FAM13A: variants seen among roughly 807,000 people sequenced by gnomAD.
FAM13A encodes the protein protein FAM13A.
A neutral mutation model predicts 129.6 loss-of-function variants in FAM13A; 76 were observed. The observed-to-expected ratio is 0.59, with a 90% CI of 0.49 to 0.71. The LOEUF (loss-of-function observed/expected upper bound fraction) is 0.71, where lower values mean the gene tolerates loss of function less well. FAM13A is among the 30% of genes least tolerant of loss of function. FAM13A has a pLI of 0.00. For synonymous variants in FAM13A, 443 were observed against 449.9 expected (o/e 0.98, Z 0.20); for missense variants, 1,108 against 1,249.3 (o/e 0.89, Z 1.70).
At chr4:88,817,977 A>G (rs1731108359) in intron 7 of FAM13A, among the ~76,000 whole-genome samples, 1 of 152,006 alleles carries the variant, frequency 6.6e-6, no homozygotes, top group Non-Finnish European at 1.5e-5. Context: ...CCACAAAACC[A>G]AAACTATCAC....
At chr4:88,842,021 G>A (rs1002875661) in intron 7 of FAM13A, among the ~76,000 whole-genome samples, 1 of 152,172 alleles carries the variant, frequency 6.6e-6, no homozygotes, top group African/African-American at 2.4e-5. Flanking sequence ...CAACTAATGA[G>A]TGGATAAGCA....
intron 13 of FAM13A, 37 bp downstream of exon 13, chr4:88,767,516 C>T (rs1745912104): frequency 6.5e-7 from 1 of 1,527,200 alleles, no homozygotes; most frequent in African/African-American, 1.4e-5. Context: ...TATGAACAGC[C>T]CCGTCACAGT....
In FAM13A at chr4:88,787,797, G is replaced by C. The variant is rs114882619; in HGVS notation, c.1227C>G (p.Arg409=). 2.6e-4 allele frequency: 426 copies of C among 1,613,652 alleles called. 3 individuals carry two copies. In the African/African-American group the frequency reaches 5.1e-3, roughly 19 times the overall value. Residue 409 remains arginine (R), a synonymous_variant, in exon 10 of 24, where the codon CGC becomes CGG. Coordinates refer to ENST00000264344, the MANE Select transcript of FAM13A (RefSeq NM_014883.4). ...ASSATSARQR[R]RQSKEQDEVR... is the part of the protein sequence containing the mutation. ...CTTCATCCTGCTCCTTGGACTGGCG[G>C]CGGCGCTGTCTGGCAGATGTGGCAG...
intron 7 of FAM13A, among the ~76,000 whole-genome samples, chr4:88,807,947 A>G (rs993008261): frequency 6.6e-6 from 1 of 152,212 alleles, no homozygotes; most frequent in South Asian, 2.1e-4. Flanking sequence ...GTTCTAAAAA[A>G]GAAAATGTAA....
chr4:88,909,593 T>G (rs868197583), intron 5 of FAM13A, among the ~76,000 whole-genome samples: 2 of 152,072 alleles, frequency 1.3e-5, no homozygotes, highest in African/African-American at 4.8e-5. Context: ...TTCAAGCGAT[T>G]CTCCTGTCTC....
chr4:88,865,753 C>T (rs937579307), intron 6 of FAM13A, among the ~76,000 whole-genome samples: 14 of 152,164 alleles, frequency 9.2e-5, no homozygotes, highest in African/African-American at 2.7e-4. Context: ...CAAATGGGCA[C>T]GGCTGTGTTC....
chr4:88,853,774 T>C (rs1561169254), intron 6 of FAM13A, among the ~76,000 whole-genome samples: 1 of 152,198 alleles, frequency 6.6e-6, no homozygotes. Flanking sequence ...ACCCTCAGTC[T>C]AGGTCGACAC....
chr4:88,865,035 C>G (rs1010204182), intron 6 of FAM13A, among the ~76,000 whole-genome samples: 1 of 151,680 alleles, frequency 6.6e-6, no homozygotes, highest in Admixed American at 6.6e-5. Context: ...AAAGTATCTG[C>G]GAAAAAATGT....
At chr4:88,797,641 T>G (rs974779236) in intron 8 of FAM13A, among the ~76,000 whole-genome samples, 1 of 152,150 alleles carries the variant, frequency 6.6e-6, no homozygotes, top group African/African-American at 2.4e-5. Flanking sequence ...TATCATGTAT[T>G]TGACTGATTT....
At chr4:88,894,419 T>A (rs1464559672) in intron 6 of FAM13A, among the ~76,000 whole-genome samples, 1 of 152,238 alleles carries the variant, frequency 6.6e-6, no homozygotes. Context: ...ACTATTTTTA[T>A]ATAATGTTTT....
chr4:88,873,174 A>G lies in FAM13A; in HGVS notation c.844-21991T>C, dbSNP rs1421063119. Among the ~76,000 whole-genome samples, 3 of 152,234 alleles carry G rather than the reference A, an allele frequency of 2.0e-5. No homozygotes were observed. In the East Asian group the frequency reaches 5.8e-4, roughly 29 times the overall value. On this transcript the variant is annotated intron_variant, in intron 6 of 23. Transcript: ENST00000264344. ...GGGAAATTTATAGCACTAAATGCCC[A>G]TAAGAGAAAGCAGGAAAGATCTAAA... is the stretch of plus-strand genomic sequence containing the variant.
intron 19 of FAM13A, among the ~76,000 whole-genome samples, chr4:88,745,953 TC>T (rs1238084770): frequency 6.6e-6 from 1 of 151,812 alleles, no homozygotes; most frequent in Non-Finnish European, 1.5e-5. Context: ...ATGTGTCAGG[TC>T]TTGTGCTAGA....
At chr4:88,929,180 G>GT (rs34612690) in intron 5 of FAM13A, among the ~76,000 whole-genome samples, 84,470 of 150,268 alleles carry the variant, frequency 0.56, 23,708 homozygotes, top group Admixed American at 0.6. Context: ...TTGGCTGATA[G>GT]TTTTTTTTTT....
intron 3 of FAM13A, among the ~76,000 whole-genome samples, chr4:88,993,048 T>C (rs1763109434): frequency 6.6e-6 from 1 of 152,120 alleles, no homozygotes; most frequent in African/African-American, 2.4e-5. Context: ...CACAGTGACA[T>C]TGAGAGGCTT....
intron 11 of FAM13A, among the ~76,000 whole-genome samples, chr4:88,776,796 G>T (rs573004153): frequency 6.6e-6 from 1 of 152,208 alleles, no homozygotes; most frequent in South Asian, 2.1e-4. Context: ...CCAACATGGT[G>T]AAACCCCATC....
At chr4:88,920,977 G>A (rs1750974194) in intron 5 of FAM13A, among the ~76,000 whole-genome samples, 1 of 152,060 alleles carries the variant, frequency 6.6e-6, no homozygotes, top group Non-Finnish European at 1.5e-5. Context: ...TGAATGAAAT[G>A]AAGCGAGAAG....
intron 4 of FAM13A, among the ~76,000 whole-genome samples, chr4:88,976,707 A>ACAGTGTACAGGCT (rs1760957184): frequency 6.7e-6 from 1 of 150,122 alleles, no homozygotes. Flanking sequence ...CTTAATATTT[A>ACAGTGTACAGGCT]CTCACCACTC....
At chr4:88,809,194 C>G (rs1729172428) in intron 7 of FAM13A, among the ~76,000 whole-genome samples, 1 of 152,048 alleles carries the variant, frequency 6.6e-6, no homozygotes, top group Non-Finnish European at 1.5e-5. Flanking sequence ...CTAAGAAAAA[C>G]CAAATAATGT....
intron 6 of FAM13A, among the ~76,000 whole-genome samples, chr4:88,894,379 A>C (rs1745923722): frequency 6.6e-6 from 1 of 152,216 alleles, no homozygotes; most frequent in Non-Finnish European, 1.5e-5. Context: ...ACAGAAAAAA[A>C]ATGAAGCCAC....
Sources: gnomAD v4.1 joint callset for allele counts (sites outside exome capture counted in the v4.1 genomes callset) on GRCh38, gnomAD v4.1.1 for gene constraint, MANE v1.5 for transcripts, NCBI Gene and HGNC (gene_info 2026-07-23, HGNC 2026-07-21) for gene names.